USP34: variants seen among roughly 807,000 people sequenced by gnomAD.
USP34 encodes the protein ubiquitin carboxyl-terminal hydrolase 34.
In USP34, 70 loss-of-function variants were observed where a neutral mutation model predicts 460.3. The observed-to-expected ratio is 0.15, with a 90% confidence interval of 0.13 to 0.19. The LOEUF (loss-of-function observed/expected upper bound fraction) is 0.19, where lower values mean the gene tolerates loss of function less well. Ranked by LOEUF, USP34 falls within the 10% of genes least tolerant of loss-of-function variation. The pLI, the probability that USP34 is intolerant of heterozygous loss-of-function variation, is 1.00. For synonymous variants in USP34, 1,647 were observed against 1,405.3 expected, an observed-to-expected ratio of 1.17 and a Z score of -3.85; for missense variants, 3,985 against 4,236.2, an observed-to-expected ratio of 0.94 and a Z score of 1.65.
intron 1 of USP34, among the ~76,000 whole-genome samples, chr2:61,422,366 G>A (rs1432562910): frequency 1.3e-5 from 2 of 152,138 alleles, no homozygotes; most frequent in African/African-American, 4.8e-5. Context: ...AAAAGTTTGT[G>A]TGGCCAGAAA....
At chr2:61,299,260 CA>C (rs1690144836) in intron 29 of USP34, among the ~76,000 whole-genome samples, 1 of 152,142 alleles carries the variant, frequency 6.6e-6, no homozygotes, top group Non-Finnish European at 1.5e-5. Context: ...GAAAGAAAAG[CA>C]TACTAGCCTA....
intron 72 of USP34, 39 bp from the exon 73 acceptor site, chr2:61,204,640 G>C (rs1421885744): frequency 4.0e-6 from 6 of 1,491,026 alleles, no homozygotes; most frequent in Non-Finnish European, 5.6e-6. Flanking sequence ...AAAAAATTAA[G>C]AGTTATATCT....
chr2:61,242,714 T>C (rs572086936), intron 51 of USP34, among the ~76,000 whole-genome samples: 2 of 152,270 alleles, frequency 1.3e-5, no homozygotes, highest in South Asian at 4.2e-4. Context: ...ACGAGGATTC[T>C]ACTGGTAATG....
At chr2:61,227,728 CAAACAAACA>C (rs1387957823) in intron 61 of USP34, among the ~76,000 whole-genome samples, 63 of 110,040 alleles carry the variant, frequency 5.7e-4, no homozygotes, top group African/African-American at 2.9e-3. Context: ...AACAAACAAA[CAAACAAACA>C]AAAAAAAAAC....
chr2:61,343,740 G>C, intron 16 of USP34, 75 bp downstream of exon 16: 1 of 1,456,416 alleles, frequency 6.9e-7, no homozygotes, highest in Non-Finnish European at 9.5e-7. Context: ...TAACTATTGA[G>C]TCCTTTCAAC....
At chr2:61,411,981 G>A (rs1694053321) in intron 2 of USP34, among the ~76,000 whole-genome samples, 1 of 152,070 alleles carries the variant, frequency 6.6e-6, no homozygotes, top group Non-Finnish European at 1.5e-5. Flanking sequence ...CCTGAGGTCA[G>A]AAGTTTGAGA....
At chr2:61,408,408 T>G (rs1029820591) in intron 2 of USP34, among the ~76,000 whole-genome samples, 8 of 152,072 alleles carry the variant, frequency 5.3e-5, no homozygotes, top group Admixed American at 5.2e-4. Flanking sequence ...ATTATAAATA[T>G]ATATAAATAA....
Position 61,211,908 on chromosome 2 carries a change from G to A in USP34, c.8704C>T (p.Leu2902=). 1 of 1,606,738 alleles carries A rather than the reference G, an allele frequency of 6.2e-7. No individual in the cohort carries two copies. The highest frequency in any genetic ancestry group is 1.1e-5 in the South Asian group (1 of 89,780). Reference sequence around the variant, plus strand: ...CTCTGAGCTATAAACAGCTGCATCAGGTTAAACAGTTCTTCTACTGCCTAA... The same window carrying A: ...CTCTGAGCTATAAACAGCTGCATCAAGTTAAACAGTTCTTCTACTGCCTAA... ...YPGAVEELFN[L]MQLFIAQRPD... is the part of the protein sequence containing the mutation. Residue 2902 remains leucine (L), a synonymous_variant, in exon 69 of 80, where the codon CTG becomes TTG. Coordinates refer to ENST00000398571, the MANE Select transcript of USP34 (RefSeq NM_014709.4).
chr2:61,404,465 G>A (rs1170277696), intron 3 of USP34, among the ~76,000 whole-genome samples: 3 of 152,138 alleles, frequency 2.0e-5, no homozygotes, highest in Admixed American at 6.6e-5. Flanking sequence ...CAGCACAATA[G>A]AATATGGCAG....
intron 34 of USP34, among the ~76,000 whole-genome samples, chr2:61,285,486 C>CAAAAAAAAAAAAAAAAAGAAAAAAAA (rs1689660501): frequency 9.2e-6 from 1 of 108,492 alleles, no homozygotes; most frequent in Non-Finnish European, 1.8e-5. Context: ...GAATCTGTCT[C>CAAAAAAAAAAAAAAAAAGAAAAAAAA]AAAAAAAAAA....
chr2:61,216,100 T>C (rs948096270), intron 67 of USP34, among the ~76,000 whole-genome samples: 1 of 152,276 alleles, frequency 6.6e-6, no homozygotes, highest in Non-Finnish European at 1.5e-5. Flanking sequence ...AATTTTAGTT[T>C]ATTTTACAAA....
intron 5 of USP34, among the ~76,000 whole-genome samples, chr2:61,386,273 A>G (rs1572990718): frequency 6.6e-6 from 1 of 152,144 alleles, no homozygotes; most frequent in East Asian, 1.9e-4. Flanking sequence ...GGAGTTCAAC[A>G]CTAACCTGTG....
At chr2:61,368,204 C>A (rs372069173) in intron 10 of USP34, among the ~76,000 whole-genome samples, 1 of 152,168 alleles carries the variant, frequency 6.6e-6, no homozygotes, top group African/African-American at 2.4e-5. Flanking sequence ...GAGGCCAAGG[C>A]GGAAGGATTA....
chr2:61,411,644 G>T (rs1430267815), intron 2 of USP34, among the ~76,000 whole-genome samples: 1 of 151,938 alleles, frequency 6.6e-6, no homozygotes, highest in African/African-American at 2.4e-5. Flanking sequence ...CATGATTTCT[G>T]TCCTTCTAGA....
At chr2:61,269,126 C>T (rs943046256) in intron 41 of USP34, among the ~76,000 whole-genome samples, 1 of 151,978 alleles carries the variant, frequency 6.6e-6, no homozygotes, top group Non-Finnish European at 1.5e-5. Flanking sequence ...AGTGGAAATA[C>T]TGAGGAGGAA....
chr2:61,345,151 A>G (rs2593631), intron 15 of USP34, among the ~76,000 whole-genome samples: 79,737 of 151,686 alleles, frequency 0.53, 21,293 homozygotes, highest in South Asian at 0.73. Flanking sequence ...GTGCATACCC[A>G]TAATCACAGC....
chr2:61,188,465 G>C lies in USP34; in HGVS notation c.10278C>G (p.Asp3426Glu). Residue 3426 changes from aspartate to glutamate, a missense_variant, in exon 80 of 80, where the codon GAC (aspartate) becomes GAG (glutamate). Coordinates refer to ENST00000398571, the MANE Select transcript of USP34 (RefSeq NM_014709.4). ...CATGCTGTGACCTGATATTTGACAT[G>C]TCTTCTGAAAACGAAGATGGAACTT... ...RMEVPSSFSE[D>E]MSNIRSQHAE... 3.7e-6 allele frequency: 6 copies of C among 1,614,182 alleles called. No individual in the cohort carries two copies. The highest frequency in any genetic ancestry group is 3.4e-6 in the Non-Finnish European group (4 of 1,180,024).
At chr2:61,381,445 C>G (rs1327565084) in intron 6 of USP34, among the ~76,000 whole-genome samples, 1 of 152,066 alleles carries the variant, frequency 6.6e-6, no homozygotes, top group Non-Finnish European at 1.5e-5. Context: ...CTCAAGTGAT[C>G]CTTCCACCTC....
At chr2:61,190,795 T>C (rs992369286) in intron 76 of USP34, 137 bp from the exon 77 acceptor site, 2 of 1,059,848 alleles carry the variant, frequency 1.9e-6, no homozygotes, top group East Asian at 5.2e-5. Context: ...TGAAAAGCCA[T>C]GTCTAACTCA....
Sources: gnomAD v4.1 joint callset for allele counts (sites outside exome capture counted in the v4.1 genomes callset) on GRCh38, gnomAD v4.1.1 for gene constraint, MANE v1.5 for transcripts, NCBI Gene and HGNC (gene_info 2026-07-23, HGNC 2026-07-21) for gene names.